Variants in ARL2BP observed in about 807,000 individuals in gnomAD.
ARL2BP encodes ARF like GTPase 2 binding protein.
A neutral mutation model predicts 24.2 loss-of-function variants in ARL2BP; 19 were observed. The observed-to-expected ratio is 0.79, with a 90% CI of 0.55 to 1.15. The LOEUF (loss-of-function observed/expected upper bound fraction) is 1.15, where lower values mean the gene tolerates loss of function less well. Among genes scored for constraint, ARL2BP ranks in the 50% most tolerant of loss-of-function variants. The pLI, the probability that ARL2BP is intolerant of heterozygous loss-of-function variation, is 0.00. For synonymous variants in ARL2BP, 56 were observed against 70.5 expected (o/e 0.79, Z 1.03); for missense variants, 160 against 190.4 (o/e 0.84, Z 0.94).
Position 57,250,463 on chromosome 16 carries a change from A to G in ARL2BP, c.346A>G (p.Thr116Ala). ...GDIFDMLLTF[T>A]DFLAFKEMFL... ...CATATTCGACATGCTGCTCACCTTC[A>G]CAGATTTTCTGGCTTTTAAAGAAAT... The change falls in exon 5 of 6, where the codon ACA becomes GCA. Residue 116 changes from threonine (T) to alanine (A), a missense_variant. Coordinates refer to ENST00000219204, the MANE Select transcript of ARL2BP (RefSeq NM_012106.4). 6.2e-7 allele frequency: 1 copy of G among 1,614,218 alleles called. No individual in the cohort carries two copies. The highest frequency in any genetic ancestry group is 8.5e-7 in the Non-Finnish European group (1 of 1,180,038).
In ARL2BP at chr16:57,245,319, A is replaced by G. The variant is rs2075386374; in HGVS notation, c.-49A>G. 6 of 1,588,394 alleles carry G rather than the reference A, an allele frequency of 3.8e-6. No individual in the cohort carries two copies. Among genetic ancestry groups the G allele is most frequent in the Admixed American group, 1.8e-5 (1 of 55,262 alleles). Reference sequence around the variant, plus strand: ...ACCCCGCCGGGCGGCCGCGCCCTGCATGCGAGTTGGGCCGCGGGCGGGGTT... The same window carrying G: ...ACCCCGCCGGGCGGCCGCGCCCTGCGTGCGAGTTGGGCCGCGGGCGGGGTT... On this transcript the variant is annotated 5_prime_UTR_variant, in exon 1 of 6. It removes an upstream start codon present in the reference 5' UTR. Transcript: ENST00000219204.
intron 1 of ARL2BP, 88 bp from the exon 2 acceptor site, chr16:57,245,992 C>T (rs138563923): frequency 2.3e-6 from 3 of 1,294,922 alleles, no homozygotes; most frequent in East Asian, 2.3e-5. Context: ...ACTCTTTTTT[C>T]TCTTGTGCAT....
chr16:57,250,347 C>T (rs11866593), intron 4 of ARL2BP, 64 bp from the exon 5 acceptor site: 66,672 of 1,473,560 alleles, frequency 0.045, 3,537 homozygotes, highest in East Asian at 0.24. Context: ...GAAAGAAAAA[C>T]GAAAGCAATC....
intron 3 of ARL2BP, chr16:57,249,447 C>T (rs2075400680): frequency 3.1e-6 from 1 of 318,976 alleles, no homozygotes; most frequent in African/African-American, 2.1e-5. Context: ...ATGCCCTCTA[C>T]CCAGGAGGCA....
chr16:57,246,405 T>G, intron 2 of ARL2BP: 2 of 399,608 alleles, frequency 5.0e-6, no homozygotes, highest in Non-Finnish European at 4.5e-6. Context: ...TGTGGCGTTC[T>G]TCGCAAAACT....
Position 57,252,279 on chromosome 16 carries a change from A to G in ARL2BP, c.*12A>G. 1 of 1,614,248 alleles carries G rather than the reference A, an allele frequency of 6.2e-7. No individual in the cohort carries two copies. Among genetic ancestry groups the G allele is most frequent in the Non-Finnish European group, 8.5e-7 (1 of 1,180,032 alleles). On this transcript the variant is annotated 3_prime_UTR_variant, in exon 6 of 6. Coordinates refer to ENST00000219204, the MANE Select transcript of ARL2BP (RefSeq NM_012106.4). ...ATCTGCGGCACTAGGTCCTACCTCCAGCCAATGAATGGGATCATTCTGGAT... is the reference window on the plus strand; with the variant it reads ...ATCTGCGGCACTAGGTCCTACCTCCGGCCAATGAATGGGATCATTCTGGAT...
chr16:57,250,788 T>G (rs1315818942), intron 5 of ARL2BP: 1 of 379,330 alleles, frequency 2.6e-6, no homozygotes, highest in African/African-American at 2.1e-5. Flanking sequence ...TTTATTTTTT[T>G]TTTTGAGACA....
Position 57,250,522 on chromosome 16 carries a change from CTATT to C in ARL2BP, c.390+22_390+25del. 8 of 1,596,146 alleles carry C rather than the reference CTATT, an allele frequency of 5.0e-6. No homozygotes were observed. The highest frequency in any genetic ancestry group is 6.9e-6 in the Non-Finnish European group (8 of 1,163,668). ...ACTACAGAGCAGTAAGTTACTACTC[CTATT>C]TATTTAGCCACTTTGAGCCACTTAG... is the stretch of plus-strand genomic sequence containing the variant. On this transcript the variant is annotated intron_variant, in intron 5 of 5. Coordinates refer to ENST00000219204, the MANE Select transcript of ARL2BP (RefSeq NM_012106.4).
chr16:57,245,424 G>A lies in ARL2BP; in HGVS notation c.38+19G>A. The A allele has an allele frequency of 6.2e-7, 1 of 1,603,736 alleles. No individual in the cohort carries two copies. Among genetic ancestry groups the A allele is most frequent in the Non-Finnish European group, 8.5e-7 (1 of 1,176,006 alleles). ...TGTCTTTGTGAGTAGCTCCTCCAGG[G>A]CGCAGGCGACTTGGGGCCGGAGGCA... On this transcript the variant is annotated intron_variant, in intron 1 of 5. Coordinates refer to ENST00000219204, the MANE Select transcript of ARL2BP (RefSeq NM_012106.4).
At chr16:57,248,328 A>G (rs1431903118) in intron 2 of ARL2BP, 58 of 226,108 alleles carry the variant, frequency 2.6e-4, no homozygotes, top group Non-Finnish European at 3.5e-4. Context: ...AAAAAAAAAA[A>G]AAAAAAAAGA....
rs769548200 is a variant in ARL2BP, at chr16:57,252,381, T to G, written c.*114T>G. 14 of 1,576,312 alleles carry G rather than the reference T, an allele frequency of 8.9e-6. No individual in the cohort carries two copies. The highest frequency in any genetic ancestry group is 1.1e-5 in the Non-Finnish European group (13 of 1,163,148). On this transcript the variant is annotated 3_prime_UTR_variant, in exon 6 of 6. Transcript: ENST00000219204. The stretch of plus-strand genomic sequence containing the variant: ...ACTGACTCTGTTATGTAACTCTTCA[T>G]TTATGTTAAGTATTAATAGGTCAAA...
intron 5 of ARL2BP, 105 bp downstream of exon 5, chr16:57,250,612 C>A: frequency 2.3e-6 from 2 of 877,814 alleles, no homozygotes; most frequent in Non-Finnish European, 1.8e-6. Context: ...ATTCTCCCTT[C>A]AAACTGGCCG....
At chr16:57,245,529 G>T (rs566818278) in intron 1 of ARL2BP, 124 bp downstream of exon 1, 4 of 1,280,660 alleles carry the variant, frequency 3.1e-6, no homozygotes, top group Non-Finnish European at 4.4e-6. Context: ...GCAGGGTGGG[G>T]GCCGCCAAGG....
Position 57,245,364 on chromosome 16 carries a change from T to A in ARL2BP, c.-4T>A. On this transcript the variant is annotated 5_prime_UTR_variant, in exon 1 of 6. Transcript: ENST00000219204. ...GGGGTTGGAGCCTACTCGGGGCGAC[T>A]GCGATGGACGCCTTAGAAGGAGAGA... 1 of 1,606,270 alleles carries A rather than the reference T, an allele frequency of 6.2e-7. No homozygotes were observed. The highest frequency in any genetic ancestry group is 8.5e-7 in the Non-Finnish European group (1 of 1,177,264).
chr16:57,252,259 C>T lies in ARL2BP; in HGVS notation c.484C>T (p.Arg162Trp), dbSNP rs189955742. Residue 162 changes from arginine to tryptophan, a missense_variant, in exon 6 of 6, where the codon CGG becomes TGG. Coordinates refer to ENST00000219204, the MANE Select transcript of ARL2BP (RefSeq NM_012106.4). Reference sequence around the variant, plus strand: ...TCTGCCAGCTTCCCAGAACAATCTGCGGCACTAGGTCCTACCTCCAGCCAA... The same window carrying T: ...TCTGCCAGCTTCCCAGAACAATCTGTGGCACTAGGTCCTACCTCCAGCCAA... Reference protein sequence around the residue: ...SSLPASQNNLRH With the variant: ...SSLPASQNNLWH 134 of 1,614,152 alleles carry T rather than the reference C, an allele frequency of 8.3e-5. 3 individuals are homozygous for T. In the South Asian group the frequency reaches 1.1e-3, roughly 13 times the overall value.
chr16:57,249,375 TAAAC>T (rs1473555983), intron 3 of ARL2BP: 5 of 171,210 alleles, frequency 2.9e-5, no homozygotes, highest in Non-Finnish European at 5.0e-5. Context: ...AAGCATGGCA[TAAAC>T]AAACCTGCCC....
intron 2 of ARL2BP, chr16:57,247,467 T>C (rs1358771589): frequency 6.6e-6 from 1 of 151,982 alleles, no homozygotes; most frequent in African/African-American, 2.4e-5. Context: ...GGTGGATTGC[T>C]TGAGTCTAGG....
At chr16:57,248,515 A>G in intron 2 of ARL2BP, 22 bp from the exon 3 acceptor site, 1 of 1,460,666 alleles carries the variant, frequency 6.8e-7, no homozygotes, top group Non-Finnish European at 9.5e-7. Context: ...AAAAAGAATA[A>G]ATTTTCCCCA....
chr16:57,249,726 C>T (rs535560135), intron 3 of ARL2BP, 41 bp from the exon 4 acceptor site: 2 of 1,539,400 alleles, frequency 1.3e-6, no homozygotes, highest in Non-Finnish European at 9.0e-7. Flanking sequence ...GTCTTGTTTT[C>T]CCAAAGTATG....
Sources: gnomAD v4.1 joint callset for allele counts on GRCh38, gnomAD v4.1.1 for gene constraint, MANE v1.5 for transcripts, NCBI Gene and HGNC (gene_info 2026-07-23, HGNC 2026-07-21) for gene names.